The following FMN1 variants were observed in gnomAD, a reference collection of about 807,000 sequenced individuals.
The protein encoded by FMN1 is formin 1, also known as formin-1.
Under a neutral mutation model 132.4 loss-of-function variants are expected in FMN1, and 110 were observed. The observed-to-expected ratio is 0.83, with a 90% CI of 0.71 to 0.97. FMN1 has a LOEUF of 0.97. FMN1 is among the 50% of genes least tolerant of loss of function. The pLI is 0.00. For synonymous variants in FMN1, 722 were observed against 651.7 expected, an observed-to-expected ratio of 1.11 and a Z score of -1.64; for missense variants, 1,792 against 1,705.3, an observed-to-expected ratio of 1.05 and a Z score of -0.90.
rs1228606797 is a variant in FMN1 at position 32,980,913 on chromosome 15, C to T, written c.2224-11436G>A. On this transcript the variant is annotated intron_variant, in intron 7 of 20. Transcript: ENST00000616417. ...CTTGTAACCCCAGCTACCCAGGAGG[C>T]TGATGCATGGAAATTGCTTGAACCC... Among the ~76,000 whole-genome samples the T allele has an allele frequency of 3.3e-5, 5 of 152,120 alleles. No homozygotes were observed. In the East Asian group the frequency reaches 9.6e-4, roughly 29 times the overall value.
intron 17 of FMN1, among the ~76,000 whole-genome samples, chr15:32,808,793 G>A (rs1395089859): frequency 1.3e-5 from 2 of 152,026 alleles, no homozygotes; most frequent in Non-Finnish European, 2.9e-5. Flanking sequence ...CTGACTTTTT[G>A]GCATGGTTAT....
chr15:32,823,153 T>C (rs3110557), intron 17 of FMN1, among the ~76,000 whole-genome samples: 1 of 6,178 alleles, frequency 1.6e-4, no homozygotes, highest in Non-Finnish European at 8.9e-4. Context: ...GTTTCTACTG[T>C]TTTTTTTTTT....
chr15:32,882,050 C>T (rs1480608471), intron 16 of FMN1, among the ~76,000 whole-genome samples: 1 of 152,134 alleles, frequency 6.6e-6, no homozygotes, highest in Admixed American at 6.5e-5. Context: ...AAAATATTGA[C>T]AGGCAGGAGG....
intron 17 of FMN1, among the ~76,000 whole-genome samples, chr15:32,827,672 G>T (rs1192056553): frequency 6.6e-6 from 1 of 151,656 alleles, no homozygotes; most frequent in African/African-American, 2.4e-5. Flanking sequence ...AACATCCGTC[G>T]CTACTAAAAA....
At chr15:32,930,496 G>C (rs746922484) in intron 9 of FMN1, among the ~76,000 whole-genome samples, 2 of 151,832 alleles carry the variant, frequency 1.3e-5, no homozygotes, top group African/African-American at 2.4e-5. Flanking sequence ...CTGGTGATTA[G>C]TGATGTTGAG....
At chr15:33,056,729 A>C (rs998168761) in intron 6 of FMN1, among the ~76,000 whole-genome samples, 4 of 152,242 alleles carry the variant, frequency 2.6e-5, no homozygotes, top group African/African-American at 9.6e-5. Flanking sequence ...AACTGGATAA[A>C]TATGTTGCAA....
At chr15:32,972,722 G>C (rs2031889666) in intron 7 of FMN1, among the ~76,000 whole-genome samples, 1 of 151,998 alleles carries the variant, frequency 6.6e-6, no homozygotes, top group Non-Finnish European at 1.5e-5. Flanking sequence ...AATCTTTCTA[G>C]ATGATCTCAT....
chr15:32,915,734 C>T (rs1163994696), intron 10 of FMN1, among the ~76,000 whole-genome samples: 4 of 152,242 alleles, frequency 2.6e-5, no homozygotes, highest in Non-Finnish European at 5.9e-5. Context: ...GTCAAGTCCA[C>T]AAAGGGGAGA....
At chr15:33,032,642 CAAAGTATT>C (rs1484009628) in intron 6 of FMN1, among the ~76,000 whole-genome samples, 16 of 152,186 alleles carry the variant, frequency 1.1e-4, no homozygotes, top group Non-Finnish European at 2.1e-4. Flanking sequence ...ATAACTTATA[CAAAGTATT>C]CCAGGTTTAT....
chr15:32,969,347 T>C lies in FMN1; in HGVS notation c.2354A>G (p.Lys785Arg). ...ATCATCGGTGGAAATGCACACATCT[T>C]TCCTCTCTTCACAACCCCCTCGCCA... ...HRWRGGCEER[K>R]DVCISTDDDC... The change falls in exon 8 of 21, where the codon AAA becomes AGA. Residue 785 changes from lysine to arginine, a missense_variant. Lys to Arg is a conservative substitution (Grantham distance 26). Around this residue, in one of 3 missense-constraint regions of FMN1, gnomAD observed 1,150 missense variants for 1,043.1 expected, o/e 1.10. Coordinates refer to ENST00000616417, the MANE Select transcript of FMN1 (RefSeq NM_001277313.2). 7.4e-6 allele frequency: 12 copies of C among 1,613,974 alleles called. No homozygotes were observed. The highest frequency in any genetic ancestry group is 1.0e-5 in the Non-Finnish European group (12 of 1,179,884).
intron 6 of FMN1, among the ~76,000 whole-genome samples, chr15:33,015,381 C>T (rs898013292): frequency 6.6e-6 from 1 of 152,168 alleles, no homozygotes. Flanking sequence ...CAATGGCTGG[C>T]ACCGACAAGT....
Position 33,154,895 on chromosome 15 carries a change from G to C in FMN1, c.20C>G (p.Thr7Ser). Residue 7 changes from threonine (T) to serine (S), a missense_variant, in exon 4 of 21, where the codon ACC becomes AGC. Around this residue, in one of 3 missense-constraint regions of FMN1, gnomAD observed 638 missense variants for 645.2 expected, o/e 0.99. Coordinates refer to ENST00000616417, the MANE Select transcript of FMN1 (RefSeq NM_001277313.2). ...CGTAATGGGCTTATGCAATTGGAGG[G>C]TACAATGAGTGCCTTCCATTATGCC... is the stretch of plus-strand genomic sequence containing the variant. MEGTHC[T>S]LQLHKPITEL... 1.3e-6 allele frequency: 2 copies of C among 1,534,042 alleles called. No individual in the cohort carries two copies. Among genetic ancestry groups the C allele is most frequent in the Non-Finnish European group, 1.7e-6 (2 of 1,145,992 alleles).
chr15:32,950,022 T>TACACATACAC (rs1188454210), intron 9 of FMN1, among the ~76,000 whole-genome samples: 10 of 3,360 alleles, frequency 3.0e-3, no homozygotes, highest in Admixed American at 0.01. Context: ...TATACACATA[T>TACACATACAC]ATATATATAT....
intron 6 of FMN1, among the ~76,000 whole-genome samples, chr15:33,034,512 G>C (rs80176435): frequency 0.024 from 3,702 of 152,292 alleles, 64 homozygotes; most frequent in African/African-American, 0.028. Flanking sequence ...AGCAGGCCTA[G>C]GCTGCAGTGA....
intron 12 of FMN1, among the ~76,000 whole-genome samples, chr15:32,906,239 C>T (rs72719309): frequency 0.018 from 2,776 of 152,148 alleles, 94 homozygotes; most frequent in East Asian, 0.12. Context: ...AAATTGCAGC[C>T]CACAGGCCAA....
intron 10 of FMN1, among the ~76,000 whole-genome samples, chr15:32,910,855 T>C (rs1344612608): frequency 6.6e-6 from 1 of 152,236 alleles, no homozygotes; most frequent in Non-Finnish European, 1.5e-5. Flanking sequence ...AAGCACAATT[T>C]TAAATCTTTC....
intron 7 of FMN1, among the ~76,000 whole-genome samples, chr15:33,001,404 A>G (rs1180411646): frequency 6.6e-6 from 1 of 152,226 alleles, no homozygotes; most frequent in African/African-American, 2.4e-5. Flanking sequence ...ACCTTTACTT[A>G]AAGTAAGTAC....
intron 6 of FMN1, chr15:33,012,447 C>T: frequency 9.8e-7 from 1 of 1,016,312 alleles, no homozygotes; most frequent in Non-Finnish European, 1.5e-6. Context: ...TTGTTGCTGG[C>T]ATTAAAGAAG....
rs1381986217 is a variant in FMN1, at chr15:33,153,500, A to G, written c.1415T>C (p.Leu472Pro). The G allele has an allele frequency of 6.5e-7, 1 of 1,536,552 alleles. No homozygotes were observed. Among genetic ancestry groups the G allele is most frequent in the South Asian group, 1.2e-5 (1 of 84,066 alleles). Residue 472 changes from leucine (L) to proline (P), a missense_variant, in exon 4 of 21, where the codon CTG (leucine) becomes CCG (proline). Physicochemically the swap from Leu to Pro is moderately conservative, Grantham distance 98. Coordinates refer to ENST00000616417, the MANE Select transcript of FMN1 (RefSeq NM_001277313.2). ...AGGACCTACTTTGTGGGGCAGATCC[A>G]GAAACAAGGACTTGTGGCCACCAAG... is the stretch of plus-strand genomic sequence containing the variant. ...LPLGGHKSLFLDLPHKVGPDS... is the reference protein window; with the variant it reads ...LPLGGHKSLFPDLPHKVGPDS...
Sources: allele counts gnomAD v4.1 joint callset (sites outside exome capture counted in the v4.1 genomes callset), GRCh38; gene constraint gnomAD v4.1.1; regional missense constraint gnomAD v4.1.1; transcripts MANE v1.5; gene names NCBI Gene and HGNC (gene_info 2026-07-23, HGNC 2026-07-21).